ANKRD30BL: variants seen among roughly 807,000 people sequenced by gnomAD.
ANKRD30BL encodes the protein putative ankyrin repeat domain-containing protein 30B-like.
A neutral mutation model predicts 18.4 loss-of-function variants in ANKRD30BL; 20 were observed. The observed-to-expected ratio is 1.09, with a 90% CI of 0.77 to 1.58. ANKRD30BL has a LOEUF of 1.58. Among genes scored for constraint, ANKRD30BL ranks in the 40% most tolerant of loss-of-function variants. The pLI, the probability that ANKRD30BL is intolerant of heterozygous loss-of-function variation, is 0.00. For synonymous variants in ANKRD30BL, 72 were observed against 100.9 expected, an observed-to-expected ratio of 0.71 and a Z score of 1.72; for missense variants, 224 against 268.6, an observed-to-expected ratio of 0.83 and a Z score of 1.16.
chr2:132,223,256 G>A (rs1418118690), intron 1 of ANKRD30BL, among the ~76,000 whole-genome samples: 3 of 152,044 alleles, frequency 2.0e-5, no homozygotes, highest in African/African-American at 7.2e-5. Flanking sequence ...CTGCTTTGAG[G>A]CCTTCGTTTG....
At chr2:132,187,872 C>T (rs1210640264) in intron 1 of ANKRD30BL, among the ~76,000 whole-genome samples, 2 of 151,730 alleles carry the variant, frequency 1.3e-5, no homozygotes, top group Non-Finnish European at 2.9e-5. Flanking sequence ...GATTCTCCTG[C>T]TTCAGCCTCC....
chr2:132,235,443 T>C (rs201835462), intron 1 of ANKRD30BL, among the ~76,000 whole-genome samples: 4 of 152,182 alleles, frequency 2.6e-5, no homozygotes, highest in African/African-American at 9.6e-5. Context: ...AAAACCCCAT[T>C]GTCTCAGCCC....
chr2:132,217,728 T>A (rs1305764589), intron 1 of ANKRD30BL, among the ~76,000 whole-genome samples: 2 of 152,236 alleles, frequency 1.3e-5, no homozygotes, highest in African/African-American at 2.4e-5. Context: ...AGAATCTGCA[T>A]GTGGATATTT....
At chr2:132,205,601 C>CAA (rs563528186) in intron 1 of ANKRD30BL, among the ~76,000 whole-genome samples, 2 of 64,530 alleles carry the variant, frequency 3.1e-5, no homozygotes, top group African/African-American at 8.6e-5. Context: ...AACTTCGTCT[C>CAA]AAAAAAAAAA....
chr2:132,233,055 T>C (rs1357405171), intron 1 of ANKRD30BL, among the ~76,000 whole-genome samples: 1 of 152,012 alleles, frequency 6.6e-6, no homozygotes, highest in Non-Finnish European at 1.5e-5. Flanking sequence ...AAAAGAATTT[T>C]CAACCCAGAA....
intron 3 of ANKRD30BL, chr2:132,155,776 TG>T (rs1303648167): frequency 1.3e-5 from 2 of 151,814 alleles, no homozygotes; most frequent in African/African-American, 4.8e-5. Context: ...GGCACATGCC[TG>T]TGTCCCAGCT....
chr2:132,252,672 C>T (rs1483541751), intron 1 of ANKRD30BL, among the ~76,000 whole-genome samples: 3 of 152,110 alleles, frequency 2.0e-5, no homozygotes, highest in East Asian at 1.9e-4. Context: ...GCGACTGTGA[C>T]GTGCTCCCCC....
At chr2:132,201,229 G>A (rs1444151518) in intron 1 of ANKRD30BL, among the ~76,000 whole-genome samples, 2 of 152,100 alleles carry the variant, frequency 1.3e-5, no homozygotes, top group African/African-American at 4.8e-5. Flanking sequence ...CAGGACATAG[G>A]CATGGGCAAG....
intron 1 of ANKRD30BL, among the ~76,000 whole-genome samples, chr2:132,198,999 G>T (rs1293710533): frequency 6.6e-6 from 1 of 152,134 alleles, no homozygotes; most frequent in African/African-American, 2.4e-5. Flanking sequence ...ATTAGCTGAA[G>T]TTATAAAATT....
At chr2:132,255,959 G>T (rs539077400) in intron 1 of ANKRD30BL, among the ~76,000 whole-genome samples, 1 of 152,324 alleles carries the variant, frequency 6.6e-6, no homozygotes, top group Admixed American at 6.5e-5. Flanking sequence ...GGCTGACTGG[G>T]TTGGTTTTGA....
chr2:132,255,415 C>T (rs200092881), intron 1 of ANKRD30BL, among the ~76,000 whole-genome samples: 5 of 151,870 alleles, frequency 3.3e-5, no homozygotes, highest in Admixed American at 1.3e-4. Context: ...GTAAGTGCTT[C>T]GGGCCACAGG....
intron 1 of ANKRD30BL, among the ~76,000 whole-genome samples, chr2:132,179,576 A>G (rs1688425852): frequency 1.3e-5 from 2 of 152,200 alleles, no homozygotes; most frequent in African/African-American, 2.4e-5. Context: ...GGTATGAGCC[A>G]CCATGCCTGG....
intron 5 of ANKRD30BL, among the ~76,000 whole-genome samples, chr2:132,150,670 A>T (rs1362035697): frequency 6.6e-6 from 1 of 152,004 alleles, no homozygotes; most frequent in Non-Finnish European, 1.5e-5. Context: ...GACCACAATT[A>T]AACAAACATT....
In ANKRD30BL at chr2:132,202,132, G is replaced by GGGCCT. The variant is rs535629233; in HGVS notation, n.442-44991_442-44987dup. ...ACAGGAAGGGGAACATCACACACTG[G>GGGCCT]GGCCTGTTGTGGGGTGGAGGCAGGG... On this transcript the variant is annotated intron_variant and non_coding_transcript_variant, in intron 1 of 4. Transcript: ENST00000470729. Among the ~76,000 whole-genome samples, 1,498 of 151,626 alleles carry GGGCCT rather than the reference G, an allele frequency of 9.9e-3. 14 individuals are homozygous for GGGCCT. Among genetic ancestry groups the GGGCCT allele is most frequent in the Non-Finnish European group, 0.014 (939 of 68,008 alleles).
At chr2:132,157,768 C>G (rs949029949) in intron 1 of ANKRD30BL, among the ~76,000 whole-genome samples, 6 of 152,164 alleles carry the variant, frequency 3.9e-5, no homozygotes, top group Non-Finnish European at 8.8e-5. Context: ...CACAGGACAT[C>G]ACTGTGATGC....
Position 132,181,260 on chromosome 2 carries a change from G to C in ANKRD30BL, n.442-24114C>G, listed in dbSNP as rs185064048. ...AGGCTGACGTGGGCGGATTGCCTGA[G>C]CTCAGGAGTTTGAGACCAGCCTGGG... is the stretch of plus-strand genomic sequence containing the variant. On this transcript the variant is annotated intron_variant and non_coding_transcript_variant, in intron 1 of 4. Coordinates refer to the ANKRD30BL transcript ENST00000470729. Among the ~76,000 whole-genome samples the C allele has an allele frequency of 3.3e-5, 5 of 152,206 alleles. No individual in the cohort carries two copies. The East Asian group carries it at 9.7e-4, about 29-fold the overall frequency.
chr2:132,182,821 G>A (rs1319752523), intron 1 of ANKRD30BL, among the ~76,000 whole-genome samples: 1 of 152,106 alleles, frequency 6.6e-6, no homozygotes, highest in East Asian at 1.9e-4. Context: ...CTACTGATAT[G>A]TGAAGGTACC....
chr2:132,149,150 C>G (rs1272624803), intron 5 of ANKRD30BL, among the ~76,000 whole-genome samples: 1 of 152,208 alleles, frequency 6.6e-6, no homozygotes, highest in African/African-American at 2.4e-5. Context: ...TGTGCTCATA[C>G]AGTTCATATT....
At chr2:132,231,237 A>G (rs1022838196) in intron 1 of ANKRD30BL, among the ~76,000 whole-genome samples, 1 of 152,146 alleles carries the variant, frequency 6.6e-6, no homozygotes, top group Non-Finnish European at 1.5e-5. Context: ...ACTTTCTTTG[A>G]TAGAGCAGTT....
Sources: gnomAD v4.1 joint callset for allele counts (sites outside exome capture counted in the v4.1 genomes callset) on GRCh38, gnomAD v4.1.1 for gene constraint, MANE v1.5 for transcripts, NCBI Gene and HGNC (gene_info 2026-07-23, HGNC 2026-07-21) for gene names.